GALNT13: variants seen among roughly 807,000 people sequenced by gnomAD.
GALNT13 encodes the protein UDP-GalNAc:polypeptide N-acetylgalactosaminyltransferase 13.
GALNT13 carries 28 observed loss-of-function variants against 64.2 expected under a neutral mutation model. That is an observed-to-expected ratio of 0.44 (90% CI 0.32 to 0.60). The LOEUF is 0.60. Ranked by LOEUF, GALNT13 falls within the 20% of genes least tolerant of loss-of-function variation. The pLI, the probability that GALNT13 is intolerant of heterozygous loss-of-function variation, is 0.05. For synonymous variants in GALNT13, 214 were observed against 224.6 expected (o/e 0.95, Z 0.42); for missense variants, 577 against 669.8 (o/e 0.86, Z 1.53).
intron 9 of GALNT13, among the ~76,000 whole-genome samples, chr2:154,308,954 G>C (rs1693887988): frequency 6.6e-6 from 1 of 151,932 alleles, no homozygotes; most frequent in Non-Finnish European, 1.5e-5. Context: ...CCTTTTATTG[G>C]TATTCTATGG....
the GALNT13 span, among the ~76,000 whole-genome samples, chr2:153,575,555 A>G: frequency 3.9e-5 from 6 of 152,156 alleles, no homozygotes; most frequent in Non-Finnish European, 8.8e-5. Context: ...ATTCTATTGT[A>G]GTGCAGCTGA....
At chr2:154,239,314 TA>T (rs1350689372) in intron 4 of GALNT13, among the ~76,000 whole-genome samples, 1 of 152,144 alleles carries the variant, frequency 6.6e-6, no homozygotes, top group African/African-American at 2.4e-5. Flanking sequence ...AAATCTTTTT[TA>T]AAAAATGATG....
chr2:153,247,076 A>T, the GALNT13 span, among the ~76,000 whole-genome samples: 8 of 152,240 alleles, frequency 5.3e-5, no homozygotes, highest in African/African-American at 1.9e-4. Flanking sequence ...AAAGGGATCA[A>T]TGCAACAAGA....
At chr2:154,256,519 C>T (rs1690383666) in intron 7 of GALNT13, among the ~76,000 whole-genome samples, 1 of 152,138 alleles carries the variant, frequency 6.6e-6, no homozygotes, top group Admixed American at 6.5e-5. Context: ...TTTCAGTCAG[C>T]ATCTTGGATA....
At chr2:153,846,657 T>A in the GALNT13 span, among the ~76,000 whole-genome samples, 2 of 152,166 alleles carry the variant, frequency 1.3e-5, no homozygotes, top group Admixed American at 6.5e-5. Context: ...TACACACTTG[T>A]TAAACAGTTT....
At chr2:153,875,717 C>T (rs997116496) in intron 1 of GALNT13, among the ~76,000 whole-genome samples, 2 of 151,998 alleles carry the variant, frequency 1.3e-5, no homozygotes, top group South Asian at 2.1e-4. Flanking sequence ...TAATAACAGT[C>T]GAGAAAATGC....
chr2:153,199,868 T>G, the GALNT13 span, among the ~76,000 whole-genome samples: 2 of 152,098 alleles, frequency 1.3e-5, no homozygotes, highest in Non-Finnish European at 2.9e-5. Context: ...ATGGGAGGAA[T>G]GAAGGATGAT....
At chr2:153,937,542 C>T (rs1016018981) in intron 2 of GALNT13, among the ~76,000 whole-genome samples, 1 of 152,000 alleles carries the variant, frequency 6.6e-6, no homozygotes, top group African/African-American at 2.4e-5. Context: ...AGGAAATGCC[C>T]TAAAATTGAT....
At chr2:153,325,812 T>G in the GALNT13 span, among the ~76,000 whole-genome samples, 1 of 152,232 alleles carries the variant, frequency 6.6e-6, no homozygotes, top group Non-Finnish European at 1.5e-5. Flanking sequence ...TGGTTTTGAG[T>G]GAGTTTCTTA....
chr2:154,217,175 A>G (rs1688093313), intron 4 of GALNT13, among the ~76,000 whole-genome samples: 1 of 152,022 alleles, frequency 6.6e-6, no homozygotes, highest in Non-Finnish European at 1.5e-5. Flanking sequence ...TAAAAAATAT[A>G]CCCTATCATT....
chr2:154,045,600 C>T (rs1699237293), intron 3 of GALNT13, among the ~76,000 whole-genome samples: 1 of 152,146 alleles, frequency 6.6e-6, no homozygotes, highest in Non-Finnish European at 1.5e-5. Context: ...AGTGTTTTTG[C>T]TTCAGGAGTA....
At chr2:154,236,691 C>T (rs981396455) in intron 4 of GALNT13, among the ~76,000 whole-genome samples, 1 of 151,976 alleles carries the variant, frequency 6.6e-6, no homozygotes, top group East Asian at 1.9e-4. Flanking sequence ...CACTTTTACT[C>T]TCAAAGTTAA....
At chr2:153,965,935 G>A (rs2105109384) in intron 3 of GALNT13, among the ~76,000 whole-genome samples, 1 of 151,968 alleles carries the variant, frequency 6.6e-6, no homozygotes, top group East Asian at 1.9e-4. Context: ...ATTTTTGATA[G>A]GTTGGTTTTT....
At chr2:153,413,614 T>C in the GALNT13 span, among the ~76,000 whole-genome samples, 3 of 152,200 alleles carry the variant, frequency 2.0e-5, no homozygotes, top group Admixed American at 6.5e-5. Context: ...CGTTGTTCTA[T>C]TGAGTCCATG....
intron 1 of GALNT13, among the ~76,000 whole-genome samples, chr2:153,886,189 A>C (rs1183496103): frequency 6.6e-6 from 1 of 151,852 alleles, no homozygotes; most frequent in Non-Finnish European, 1.5e-5. Flanking sequence ...AAAAAAAAAA[A>C]ACAAATTAAC....
At chr2:154,424,328 T>C (rs1397327823) in intron 11 of GALNT13, among the ~76,000 whole-genome samples, 1 of 152,182 alleles carries the variant, frequency 6.6e-6, no homozygotes, top group Non-Finnish European at 1.5e-5. Flanking sequence ...GGAGTGACTT[T>C]GTAGAACTTC....
chr2:153,848,893 A>G, the GALNT13 span, among the ~76,000 whole-genome samples: 102 of 151,874 alleles, frequency 6.7e-4, 2 homozygotes, highest in South Asian at 0.021. Context: ...TGTATAAAGT[A>G]AATTGCACTA....
At chr2:153,256,365 C>T in the GALNT13 span, among the ~76,000 whole-genome samples, 28 of 152,286 alleles carry the variant, frequency 1.8e-4, no homozygotes, top group South Asian at 6.2e-4. Context: ...GTTATACATT[C>T]GTCTAAATTT....
the GALNT13 span, among the ~76,000 whole-genome samples, chr2:153,758,131 T>C: frequency 6.6e-6 from 1 of 152,172 alleles, no homozygotes; most frequent in Non-Finnish European, 1.5e-5. Flanking sequence ...TACATCAATT[T>C]TTAACCCAGT....
Sources: allele counts gnomAD v4.1 joint callset (sites outside exome capture counted in the v4.1 genomes callset), GRCh38; gene constraint gnomAD v4.1.1; transcripts MANE v1.5; gene names NCBI Gene and HGNC (gene_info 2026-07-23, HGNC 2026-07-21).